ZNF503: variants seen among roughly 807,000 people sequenced by gnomAD.
ZNF503 encodes the protein NocA-like zinc finger 2.
A neutral mutation model predicts 34.4 loss-of-function variants in ZNF503; 15 were observed. The observed-to-expected ratio is 0.44, with a 90% CI of 0.29 to 0.67. The LOEUF (loss-of-function observed/expected upper bound fraction) is 0.67, where lower values mean the gene tolerates loss of function less well. ZNF503 is among the 30% of genes least tolerant of loss of function. ZNF503 has a pLI of 0.13. For synonymous variants in ZNF503, 580 were observed against 456.8 expected, an observed-to-expected ratio of 1.27 and a Z score of -3.44; for missense variants, 1,007 against 926.8, an observed-to-expected ratio of 1.09 and a Z score of -1.12.
the ZNF503 span, among the ~76,000 whole-genome samples, chr10:75,372,021 C>G: frequency 6.6e-6 from 1 of 152,236 alleles, no homozygotes; most frequent in Non-Finnish European, 1.5e-5. Flanking sequence ...CCTCCGCCTT[C>G]TGGGTTCAAG....
At chr10:75,353,593 C>T in the ZNF503 span, among the ~76,000 whole-genome samples, 6 of 152,236 alleles carry the variant, frequency 3.9e-5, no homozygotes, top group East Asian at 1.9e-4. Flanking sequence ...AGCCAGGGCT[C>T]GGTAGAACCA....
rs1271636751 is a variant in ZNF503 at position 75,401,464 on chromosome 10, A to T, written c.-45T>A. The T allele has an allele frequency of 1.3e-6, 2 of 1,505,780 alleles. No homozygotes were observed. Among genetic ancestry groups the T allele is most frequent in the Admixed American group, 4.4e-5 (2 of 45,646 alleles). 93.3% of individuals were successfully genotyped at this position (1,505,780 alleles called of 1,614,324 possible). ...GAGCAGCGGGGGGGAGGGCTCCGGGAGGCGCGGGGCGGGCTCGGGGCTGCG... is the reference window on the plus strand; with the variant it reads ...GAGCAGCGGGGGGGAGGGCTCCGGGTGGCGCGGGGCGGGCTCGGGGCTGCG... On this transcript the variant is annotated 5_prime_UTR_variant, in exon 1 of 2. Transcript: ENST00000372524.
downstream of ZNF503, among the ~76,000 whole-genome samples, chr10:75,395,809 T>C (rs900848341): frequency 5.3e-5 from 8 of 152,320 alleles, no homozygotes; most frequent in Non-Finnish European, 5.9e-5. This position sits in a 1 kb window ranked among gnomAD's most constrained non-coding sequence, Gnocchi z 4.4. Context: ...CATCAAACTT[T>C]TAAGGGGCTT....
At chr10:75,309,569 G>A in the ZNF503 span, among the ~76,000 whole-genome samples, 5 of 152,226 alleles carry the variant, frequency 3.3e-5, no homozygotes, top group East Asian at 7.7e-4. Context: ...TAGCAATAAA[G>A]TGTTTTTAAG....
At chr10:75,316,371 T>G in the ZNF503 span, among the ~76,000 whole-genome samples, 4 of 151,892 alleles carry the variant, frequency 2.6e-5, no homozygotes, top group African/African-American at 9.7e-5. Flanking sequence ...TTTCTTTTTC[T>G]TTTTTGAGAC....
the ZNF503 span, chr10:75,279,945 C>T: frequency 6.6e-6 from 1 of 152,182 alleles, no homozygotes; most frequent in South Asian, 2.1e-4. Context: ...AGGACCTATT[C>T]ACCTCACAAA....
At chr10:75,354,836 TTTTTGTTTTG>T in the ZNF503 span, among the ~76,000 whole-genome samples, 44,137 of 151,736 alleles carry the variant, frequency 0.29, 6,653 homozygotes, top group Middle Eastern at 0.35. Flanking sequence ...CTGTGCTTCA[TTTTTGTTTTG>T]TTTTGTTTTG....
chr10:75,354,442 G>C, the ZNF503 span, among the ~76,000 whole-genome samples: 3,651 of 152,298 alleles, frequency 0.024, 147 homozygotes, highest in African/African-American at 0.084. Flanking sequence ...GCTGGGCTTG[G>C]TAGGTCACGC....
chr10:75,297,897 A>G, the ZNF503 span, among the ~76,000 whole-genome samples: 1 of 152,124 alleles, frequency 6.6e-6, no homozygotes, highest in Admixed American at 6.6e-5. Context: ...CTTCTCCCCA[A>G]CTGTTTACCA....
At chr10:75,332,853 GAA>G in the ZNF503 span, among the ~76,000 whole-genome samples, 1 of 142,582 alleles carries the variant, frequency 7.0e-6, no homozygotes, top group Non-Finnish European at 1.5e-5. Flanking sequence ...AGAACAAAAT[GAA>G]AAGTCTCCCA....
At chr10:75,345,740 C>T in the ZNF503 span, among the ~76,000 whole-genome samples, 1 of 151,890 alleles carries the variant, frequency 6.6e-6, no homozygotes, top group African/African-American at 2.4e-5. Context: ...GTGAGCCAAG[C>T]TGATATCAGG....
chr10:75,338,559 T>G, the ZNF503 span: 1 of 152,232 alleles, frequency 6.6e-6, no homozygotes, highest in Non-Finnish European at 1.5e-5. Context: ...AGAGGGGATT[T>G]CTGGTAAGGG....
chr10:75,400,933 T>G, intron 1 of ZNF503, 172 bp downstream of exon 1: 5 of 978,698 alleles, frequency 5.1e-6, no homozygotes, highest in Non-Finnish European at 7.5e-6. Flanking sequence ...CCATTCCACT[T>G]CCTCCCCCTT....
chr10:75,359,517 G>A, the ZNF503 span, among the ~76,000 whole-genome samples: 53 of 152,300 alleles, frequency 3.5e-4, no homozygotes, highest in African/African-American at 1.2e-3. Flanking sequence ...AAGCATCTCC[G>A]GCTGTTGAGT....
the ZNF503 span, among the ~76,000 whole-genome samples, chr10:75,387,770 G>A: frequency 1.3e-5 from 2 of 152,052 alleles, no homozygotes; most frequent in African/African-American, 4.8e-5. Flanking sequence ...AGGGTGAGGG[G>A]CTGGCTGTTT....
the ZNF503 span, among the ~76,000 whole-genome samples, chr10:75,305,580 T>A: frequency 6.6e-6 from 1 of 152,168 alleles, no homozygotes; most frequent in African/African-American, 2.4e-5. Flanking sequence ...ATGTTAAGTA[T>A]TCATATTGTT....
At chr10:75,341,065 G>A in the ZNF503 span, among the ~76,000 whole-genome samples, 2 of 152,222 alleles carry the variant, frequency 1.3e-5, no homozygotes, top group African/African-American at 4.8e-5. Context: ...ACTGCACTGT[G>A]TGGACGCCCA....
the ZNF503 span, among the ~76,000 whole-genome samples, chr10:75,325,670 G>T: frequency 1.1e-4 from 16 of 152,280 alleles, no homozygotes; most frequent in South Asian, 8.3e-4. Flanking sequence ...TGGAGATTTT[G>T]ATTGGGGTTG....
chr10:75,389,351 C>T, the ZNF503 span, among the ~76,000 whole-genome samples: 1 of 152,186 alleles, frequency 6.6e-6, no homozygotes, highest in South Asian at 2.1e-4. Flanking sequence ...TCTCCAAGTC[C>T]CCCTCTCCTC....
Sources: allele counts gnomAD v4.1 joint callset (sites outside exome capture counted in the v4.1 genomes callset), GRCh38; gene constraint gnomAD v4.1.1; non-coding constraint Gnocchi (gnomAD v3.1); transcripts MANE v1.5; gene names NCBI Gene and HGNC (gene_info 2026-07-23, HGNC 2026-07-21).